Variants in BORCS5 observed in about 807,000 individuals in gnomAD.
BORCS5 encodes the protein BLOC-1 related complex subunit 5.
Under a neutral mutation model 22.1 loss-of-function variants are expected in BORCS5, and 17 were observed. The ratio of observed to expected loss-of-function variants is 0.77; its 90% CI spans 0.53 to 1.15. The LOEUF is 1.15. BORCS5 is among the 50% of genes most tolerant of loss of function. The probability of loss-of-function intolerance (pLI) is 0.00; values close to 1 mark genes in which losing one functional copy is unlikely to be tolerated. For missense variants in BORCS5, 247 were observed against 253.2 expected, an observed-to-expected ratio of 0.98 and a Z score of 0.17; for synonymous variants, 117 against 99.8, an observed-to-expected ratio of 1.17 and a Z score of -1.03.
intron 2 of BORCS5, among the ~76,000 whole-genome samples, chr12:12,417,720 A>G (rs1311287159): frequency 6.6e-6 from 1 of 152,078 alleles, no homozygotes; most frequent in African/African-American, 2.4e-5. Flanking sequence ...CAGTAGCGAG[A>G]TCTTGGCTCA....
At chr12:12,359,525 A>C (rs1863227968) in intron 1 of BORCS5, among the ~76,000 whole-genome samples, 3 of 151,912 alleles carry the variant, frequency 2.0e-5, no homozygotes, top group Admixed American at 6.6e-5. Flanking sequence ...CCACGCCTGG[A>C]TAATTTTTGT....
At chr12:12,440,907 ATTAAG>A (rs990474026) in intron 3 of BORCS5, among the ~76,000 whole-genome samples, 3 of 152,202 alleles carry the variant, frequency 2.0e-5, no homozygotes, top group Non-Finnish European at 4.4e-5. Context: ...AGTGGCCAAA[ATTAAG>A]TTAAAAGTGG....
rs1332204939 is a variant in BORCS5, at chr12:12,462,775, G to A, written c.361-2771G>A. 3.9e-5 allele frequency among the ~76,000 whole-genome samples: 6 copies of A among 152,232 alleles called. No homozygotes were observed. The South Asian group carries it at 8.3e-4, about 21-fold the overall frequency. On this transcript the variant is annotated intron_variant, in intron 3 of 3. Transcript: ENST00000314565. The stretch of plus-strand genomic sequence containing the variant: ...GGGTTCAAACGATTCTCCTGCCTCA[G>A]CCTCCCAAGTAGTTGGGACTATAGG...
At chr12:12,399,513 T>A (rs1034039445) in intron 2 of BORCS5, among the ~76,000 whole-genome samples, 6 of 152,032 alleles carry the variant, frequency 3.9e-5, no homozygotes, top group Non-Finnish European at 7.4e-5. Context: ...GATTGGAATA[T>A]AAAGATGGAA....
intron 2 of BORCS5, among the ~76,000 whole-genome samples, chr12:12,398,950 G>A (rs1369031083): frequency 1.3e-5 from 2 of 152,120 alleles, no homozygotes; most frequent in Non-Finnish European, 2.9e-5. Context: ...GGCATCTTGG[G>A]TGGGCCAGCC....
intron 2 of BORCS5, among the ~76,000 whole-genome samples, chr12:12,425,844 T>C (rs758509853): frequency 7.2e-5 from 11 of 152,188 alleles, no homozygotes; most frequent in Admixed American, 1.3e-4. Context: ...CTTATAGTGG[T>C]AGGATAGGCC....
intron 3 of BORCS5, among the ~76,000 whole-genome samples, chr12:12,464,123 CT>C (rs1943157843): frequency 1.3e-5 from 2 of 152,270 alleles, no homozygotes; most frequent in Admixed American, 6.5e-5. Flanking sequence ...TTCCAAAGTG[CT>C]GAGCGCCAGA....
chr12:12,411,402 C>T (rs567230012), intron 2 of BORCS5, among the ~76,000 whole-genome samples: 12 of 151,986 alleles, frequency 7.9e-5, no homozygotes, highest in African/African-American at 1.9e-4. Context: ...GGAGAAATGT[C>T]GGTTCAAGTC....
chr12:12,399,090 G>C (rs763536677), intron 2 of BORCS5, among the ~76,000 whole-genome samples: 13 of 152,122 alleles, frequency 8.5e-5, no homozygotes, highest in Non-Finnish European at 1.8e-4. Flanking sequence ...TGTTTCAGGG[G>C]GGCTAAAACA....
intron 2 of BORCS5, among the ~76,000 whole-genome samples, chr12:12,419,805 G>C (rs904365746): frequency 2.6e-5 from 4 of 152,168 alleles, no homozygotes; most frequent in African/African-American, 9.7e-5. Context: ...GTGATGATGA[G>C]CATTTTTTCA....
intron 2 of BORCS5, among the ~76,000 whole-genome samples, chr12:12,394,288 T>C (rs1452034535): frequency 2.6e-5 from 4 of 151,914 alleles, no homozygotes; most frequent in Admixed American, 2.6e-4. Context: ...ATCATGCCAC[T>C]GCACCCCAGC....
intron 2 of BORCS5, among the ~76,000 whole-genome samples, chr12:12,421,052 G>C (rs1226531545): frequency 1.3e-5 from 2 of 151,948 alleles, no homozygotes; most frequent in Non-Finnish European, 2.9e-5. Context: ...TCTTTTTCTT[G>C]CCTGATTGCC....
At chr12:12,422,030 G>C (rs1221004329) in intron 2 of BORCS5, among the ~76,000 whole-genome samples, 1 of 151,746 alleles carries the variant, frequency 6.6e-6, no homozygotes, top group Non-Finnish European at 1.5e-5. Flanking sequence ...TTTTTTTAAG[G>C]GTTTTTATGT....
rs924925324 is a variant in BORCS5 at position 12,468,727 on chromosome 12, C to G, written c.*2951C>G. 1.3e-5 allele frequency: 2 copies of G among 152,128 alleles called. No homozygotes were observed. The highest frequency in any genetic ancestry group is 2.4e-5 in the African/African-American group (1 of 41,424). 9.4% of individuals were successfully genotyped at this position (152,128 alleles called of 1,614,324 possible). A position where few individuals can be genotyped will look rare whatever the true frequency, so the allele number is the denominator to read the frequency against. On this transcript the variant is annotated 3_prime_UTR_variant, in exon 4 of 4. Transcript: ENST00000314565. ...TTCATTGGCTGCTTCTTTCTAGAGC[C>G]TGTTTTGCTTATCTTGCAATCTGTT...
chr12:12,431,238 G>A (rs376360592), intron 2 of BORCS5, among the ~76,000 whole-genome samples: 21 of 152,052 alleles, frequency 1.4e-4, no homozygotes, highest in East Asian at 5.8e-4. Flanking sequence ...CATGCTTTTC[G>A]TTTTTACCAA....
At chr12:12,450,400 C>T (rs1446186710) in intron 3 of BORCS5, among the ~76,000 whole-genome samples, 1 of 152,316 alleles carries the variant, frequency 6.6e-6, no homozygotes, top group Middle Eastern at 3.4e-3. Flanking sequence ...AATGTACAGA[C>T]GAACTGCCAG....
At chr12:12,390,195 T>C (rs571548432) in intron 2 of BORCS5, among the ~76,000 whole-genome samples, 1 of 152,290 alleles carries the variant, frequency 6.6e-6, no homozygotes, top group Non-Finnish European at 1.5e-5. Flanking sequence ...TGAGGGCTGC[T>C]ATGTGTTAGG....
Position 12,466,051 on chromosome 12 carries a change from G to T in BORCS5, c.*275G>T, listed in dbSNP as rs946403964. Reference sequence around the variant, plus strand: ...AATTCTTTGAAGAACTCTGCATTGAGAATTATTTTTATTTAGTTTTTTTTT... The same window carrying T: ...AATTCTTTGAAGAACTCTGCATTGATAATTATTTTTATTTAGTTTTTTTTT... On this transcript the variant is annotated 3_prime_UTR_variant, in exon 4 of 4. Transcript: ENST00000314565. The T allele has an allele frequency of 3.8e-5, 13 of 340,566 alleles. No individual in the cohort carries two copies. The highest frequency in any genetic ancestry group is 6.7e-5 in the South Asian group (1 of 15,012). The allele number at this position is 340,566 out of a possible 1,614,324, so 21.1% of individuals were successfully genotyped here.
rs747359739 is a variant in BORCS5, at chr12:12,470,917, A to C, written c.*5141A>C. Among the ~76,000 whole-genome samples, 6 of 152,106 alleles carry C rather than the reference A, an allele frequency of 3.9e-5. No homozygotes were observed. Among genetic ancestry groups the C allele is most frequent in the Admixed American group, 2.0e-4 (3 of 15,274 alleles). On this transcript the variant is annotated 3_prime_UTR_variant, in exon 4 of 4. Transcript: ENST00000314565. ...ATCTGATGGAATTTACCGTTGACTC[A>C]ATTTTCTTCACCAATCAAGGCTCAT...
Sources: gnomAD v4.1 joint callset for allele counts (sites outside exome capture counted in the v4.1 genomes callset) on GRCh38, gnomAD v4.1.1 for gene constraint, MANE v1.5 for transcripts, NCBI Gene and HGNC (gene_info 2026-07-23, HGNC 2026-07-21) for gene names.